The following KIRREL3 variants were observed in gnomAD, a reference collection of about 807,000 sequenced individuals.
The protein encoded by KIRREL3 is kin of IRRE-like protein 3.
In KIRREL3, 36 loss-of-function variants were observed where a neutral mutation model predicts 89.7. That is an observed-to-expected ratio of 0.40 (90% CI 0.31 to 0.53). KIRREL3 has a LOEUF of 0.53. Among genes scored for constraint, KIRREL3 ranks in the 20% least tolerant of loss-of-function variants. The pLI, the probability that KIRREL3 is intolerant of heterozygous loss-of-function variation, is 0.49. For missense variants in KIRREL3, 864 were observed against 1,056.6 expected, an observed-to-expected ratio of 0.82 and a Z score of 2.53; for synonymous variants, 445 against 441.4, an observed-to-expected ratio of 1.01 and a Z score of -0.10.
intron 1 of KIRREL3, among the ~76,000 whole-genome samples, chr11:126,714,436 C>T (rs1947879519): frequency 6.6e-6 from 1 of 152,316 alleles, no homozygotes; most frequent in South Asian, 2.1e-4. Context: ...TGTGCTAATG[C>T]CTGCGATTCT....
At chr11:126,584,002 G>A (rs1306510141) in intron 1 of KIRREL3, among the ~76,000 whole-genome samples, 1 of 152,198 alleles carries the variant, frequency 6.6e-6, no homozygotes, top group Non-Finnish European at 1.5e-5. Flanking sequence ...TGTGTAAATA[G>A]GGTTTTTCAA....
intron 1 of KIRREL3, among the ~76,000 whole-genome samples, chr11:126,774,398 G>A (rs1396909619): frequency 6.6e-6 from 1 of 152,114 alleles, no homozygotes; most frequent in Non-Finnish European, 1.5e-5. Context: ...GGAGAGTGGG[G>A]CCTCCTTGGC....
intron 1 of KIRREL3, among the ~76,000 whole-genome samples, chr11:126,799,382 GCGTGTA>G (rs1565741542): frequency 9.3e-6 from 1 of 107,726 alleles, no homozygotes; most frequent in African/African-American, 4.3e-5. Flanking sequence ...GTGTGTGCAT[GCGTGTA>G]TCTGTGTGTG....
intron 1 of KIRREL3, among the ~76,000 whole-genome samples, chr11:126,947,011 A>G (rs1948637884): frequency 6.6e-6 from 1 of 152,130 alleles, no homozygotes; most frequent in South Asian, 2.1e-4. Flanking sequence ...AGGCTCTAGA[A>G]CCCAAGTTCC....
At chr11:126,446,908 G>A in intron 8 of KIRREL3, 22 bp from the exon 9 acceptor site, 1 of 1,601,708 alleles carries the variant, frequency 6.2e-7, no homozygotes, top group African/African-American at 1.3e-5. Context: ...GGAAGAAGAA[G>A]ACAGGTTCAG....
chr11:126,683,170 T>C lies in KIRREL3; in HGVS notation c.56-120258A>G, dbSNP rs1327580555. On this transcript the variant is annotated intron_variant, in intron 1 of 16. Coordinates refer to ENST00000525144, the MANE Select transcript of KIRREL3 (RefSeq NM_032531.4). The surrounding 1 kb of genome is among the most constrained non-coding windows in gnomAD (Gnocchi z 5.2). ...AGCACCGGGTTACTTTGTTACTCTT[T>C]AGGGGTATTGGAAATATTAAGAAAA... Among the ~76,000 whole-genome samples, 1 of 152,158 alleles carries C rather than the reference T, an allele frequency of 6.6e-6. No homozygotes were observed. The highest frequency in any genetic ancestry group is 1.5e-5 in the Non-Finnish European group (1 of 68,026).
Position 126,994,094 on chromosome 11 carries a change from C to T in KIRREL3, c.55+6361G>A, listed in dbSNP as rs1381484824. Among the ~76,000 whole-genome samples the T allele has an allele frequency of 6.6e-6, 1 of 151,904 alleles. No individual in the cohort carries two copies. On this transcript the variant is annotated intron_variant, in intron 1 of 16. Coordinates refer to ENST00000525144, the MANE Select transcript of KIRREL3 (RefSeq NM_032531.4). The surrounding 1 kb of genome is among the most constrained non-coding windows in gnomAD (Gnocchi z 5.2). Reference sequence around the variant, plus strand: ...CCTCAGATAAATCTACTTTGCTTTGCCTATGAAGACAGGCAAAGAGTAGGG... The same window carrying T: ...CCTCAGATAAATCTACTTTGCTTTGTCTATGAAGACAGGCAAAGAGTAGGG...
intron 1 of KIRREL3, among the ~76,000 whole-genome samples, chr11:126,894,539 T>C (rs1200310487): frequency 4.9e-5 from 1 of 20,268 alleles, no homozygotes; most frequent in Non-Finnish European, 8.1e-5. Flanking sequence ...TGAGACCTCA[T>C]CTCAAAAAAA....
rs1943559621 is a variant in KIRREL3 at position 126,830,169 on chromosome 11, G to C, written c.55+170286C>G. On this transcript the variant is annotated intron_variant, in intron 1 of 16. Transcript: ENST00000525144. The surrounding 1 kb of genome is among the most constrained non-coding windows in gnomAD (Gnocchi z 4.9). ...GCTTACCTGGAAGTTGTTCATGAATGAACAACCCTTGCTAATCACTCTGGT... is the reference window on the plus strand; with the variant it reads ...GCTTACCTGGAAGTTGTTCATGAATCAACAACCCTTGCTAATCACTCTGGT... 6.6e-6 allele frequency among the ~76,000 whole-genome samples: 1 copy of C among 152,154 alleles called. No homozygotes were observed. The highest frequency in any genetic ancestry group is 1.5e-5 in the Non-Finnish European group (1 of 68,022).
At chr11:126,737,699 G>A (rs1948851578) in intron 1 of KIRREL3, among the ~76,000 whole-genome samples, 1 of 152,132 alleles carries the variant, frequency 6.6e-6, no homozygotes. Context: ...AGCTAGAGGA[G>A]GCTTTTTTCG....
chr11:126,721,358 C>T (rs1381274592), intron 1 of KIRREL3, among the ~76,000 whole-genome samples: 2 of 151,948 alleles, frequency 1.3e-5, no homozygotes, highest in African/African-American at 4.8e-5. Context: ...TGGAGAAACC[C>T]CGTCTCTATT....
chr11:126,540,183 T>C (rs141557845), intron 2 of KIRREL3, among the ~76,000 whole-genome samples: 3 of 152,316 alleles, frequency 2.0e-5, no homozygotes, highest in African/African-American at 7.2e-5. Flanking sequence ...AAGAAACACT[T>C]TCCATCCCAG....
At chr11:126,979,992 C>G (rs903876821) in intron 1 of KIRREL3, among the ~76,000 whole-genome samples, 1 of 152,098 alleles carries the variant, frequency 6.6e-6, no homozygotes, top group Non-Finnish European at 1.5e-5. Flanking sequence ...GGGAAAATAT[C>G]AAGTCAAGAA....
At chr11:126,799,386 G>GTATCTGTGTGTACACA (rs1950943460) in intron 1 of KIRREL3, among the ~76,000 whole-genome samples, 1 of 47,456 alleles carries the variant, frequency 2.1e-5, no homozygotes, top group Non-Finnish European at 4.7e-5. Flanking sequence ...GTGCATGCGT[G>GTATCTGTGTGTACACA]TATCTGTGTG....
intron 1 of KIRREL3, among the ~76,000 whole-genome samples, chr11:126,726,894 A>T (rs753264610): frequency 9.9e-5 from 15 of 152,044 alleles, no homozygotes; most frequent in Non-Finnish European, 1.9e-4. Context: ...ATCCTCTAAG[A>T]CCTGGCTGTG....
At chr11:126,654,606 G>GT (rs893936667) in intron 1 of KIRREL3, among the ~76,000 whole-genome samples, 1 of 152,014 alleles carries the variant, frequency 6.6e-6, no homozygotes, top group African/African-American at 2.4e-5. Flanking sequence ...CCAGAGCACA[G>GT]TAACCCTAAT....
chr11:126,821,000 T>A (rs1454787573), intron 1 of KIRREL3, among the ~76,000 whole-genome samples: 2 of 152,100 alleles, frequency 1.3e-5, no homozygotes, highest in Non-Finnish European at 1.5e-5. Flanking sequence ...GCACACAAAA[T>A]GTTTTTAAAG....
In KIRREL3 at chr11:126,931,140, T is replaced by C. The variant is rs1359451977; in HGVS notation, c.55+69315A>G. Among the ~76,000 whole-genome samples, 1 of 152,172 alleles carries C rather than the reference T, an allele frequency of 6.6e-6. No individual in the cohort carries two copies. Among genetic ancestry groups the C allele is most frequent in the Admixed American group, 6.5e-5 (1 of 15,284 alleles). On this transcript the variant is annotated intron_variant, in intron 1 of 16. Coordinates refer to ENST00000525144, the MANE Select transcript of KIRREL3 (RefSeq NM_032531.4). The surrounding 1 kb of genome is among the most constrained non-coding windows in gnomAD (Gnocchi z 5.1). Reference sequence around the variant, plus strand: ...ATCTCAGCATGGAACTTATGTGCACTACCTGTGTTTGTCTGCTGGTCTTGC... The same window carrying C: ...ATCTCAGCATGGAACTTATGTGCACCACCTGTGTTTGTCTGCTGGTCTTGC...
At position 126,883,897 on chromosome 11, in the gene KIRREL3, A is replaced by T. The variant is rs1945601543; in HGVS notation, c.55+116558T>A. Among the ~76,000 whole-genome samples the T allele has an allele frequency of 6.6e-6, 1 of 152,216 alleles. No homozygotes were observed. Among genetic ancestry groups the T allele is most frequent in the African/African-American group, 2.4e-5 (1 of 41,460 alleles). On this transcript the variant is annotated intron_variant, in intron 1 of 16. Transcript: ENST00000525144. This position sits in a 1 kb window ranked among gnomAD's most constrained non-coding sequence, Gnocchi z 4.1. ...AGGTGGAGACATAGGTTTTGAATCG[A>T]TACAAAGAACTTTCTGATCACTGGA...
Sources: allele counts gnomAD v4.1 joint callset (sites outside exome capture counted in the v4.1 genomes callset), GRCh38; gene constraint gnomAD v4.1.1; non-coding constraint Gnocchi (gnomAD v3.1); transcripts MANE v1.5; gene names NCBI Gene and HGNC (gene_info 2026-07-23, HGNC 2026-07-21).